Variants in COL27A1 observed in about 807,000 individuals in gnomAD.
COL27A1 encodes the protein collagen type XXVII alpha 1 chain.
Under a neutral mutation model 251.3 loss-of-function variants are expected in COL27A1, and 106 were observed. That is an observed-to-expected ratio of 0.42 (90% CI 0.36 to 0.50). The LOEUF (loss-of-function observed/expected upper bound fraction) is 0.50, where lower values mean the gene tolerates loss of function less well. Ranked by LOEUF, COL27A1 falls within the 20% of genes least tolerant of loss-of-function variation. The pLI, the probability that COL27A1 is intolerant of heterozygous loss-of-function variation, is 0.00. For missense variants in COL27A1, 2,325 were observed against 2,522.8 expected (o/e 0.92, Z 1.68); for synonymous variants, 1,000 against 986.3 (o/e 1.01, Z -0.26).
In COL27A1 at chr9:114,155,862, CCTGGCGCGGCGGGGCGGGGGG is replaced by C; in HGVS notation, c.-82_-62del. The C allele has an allele frequency of 9.8e-7, 1 of 1,024,490 alleles. No individual in the cohort carries two copies. Among genetic ancestry groups the C allele is most frequent in the Non-Finnish European group, 1.2e-6 (1 of 844,484 alleles). 63.5% of individuals were successfully genotyped at this position (1,024,490 alleles called of 1,614,324 possible). A position where few individuals can be genotyped will look rare whatever the true frequency, so the allele number is the denominator to read the frequency against. On this transcript the variant is annotated 5_prime_UTR_variant, in exon 1 of 61. Transcript: ENST00000356083. This position sits in a 1 kb window ranked among gnomAD's most constrained non-coding sequence, Gnocchi z 5.5. The stretch of plus-strand genomic sequence containing the variant: ...GCGGGGGCCGCGCGCTCTAAGCCGG[CCTGGCGCGGCGGGGCGGGGGG>C]CTGGCGGCCCCATGGGGCGCGCCCA...
chr9:114,209,324 T>C, intron 10 of COL27A1: 1 of 510,308 alleles, frequency 2.0e-6, no homozygotes, highest in Non-Finnish European at 3.8e-6. Context: ...TCCCTGGGGG[T>C]GGGCAGGGCT....
At chr9:114,280,617 T>C (rs1823801953) in intron 37 of COL27A1, among the ~76,000 whole-genome samples, 1 of 152,246 alleles carries the variant, frequency 6.6e-6, no homozygotes, top group Admixed American at 6.5e-5. Flanking sequence ...GCCACGGGGC[T>C]AGTCCCATAC....
At chr9:114,204,023 GGCA>G (rs1829756409) in intron 7 of COL27A1, among the ~76,000 whole-genome samples, 1 of 152,064 alleles carries the variant, frequency 6.6e-6, no homozygotes, top group Non-Finnish European at 1.5e-5. Context: ...CTGGGTAAAC[GGCA>G]GCACATAGAG....
intron 1 of COL27A1, among the ~76,000 whole-genome samples, chr9:114,156,869 G>A (rs1311643591): frequency 1.3e-5 from 2 of 152,056 alleles, no homozygotes; most frequent in Non-Finnish European, 2.9e-5. Flanking sequence ...CAGCATGCAA[G>A]CAGCCCGTTG....
chr9:114,232,877 T>C (rs1045860787), intron 16 of COL27A1, among the ~76,000 whole-genome samples: 7 of 152,224 alleles, frequency 4.6e-5, no homozygotes, highest in Admixed American at 6.5e-5. Flanking sequence ...TCGAGACCAG[T>C]CTGGCCAATA....
chr9:114,184,231 A>G (rs535836598), intron 5 of COL27A1, among the ~76,000 whole-genome samples: 1 of 152,332 alleles, frequency 6.6e-6, no homozygotes, highest in South Asian at 2.1e-4. Flanking sequence ...GTCCCGGGTC[A>G]TTCTTTGATA....
chr9:114,269,010 T>C, intron 34 of COL27A1: 3 of 509,524 alleles, frequency 5.9e-6, no homozygotes, highest in Middle Eastern at 5.0e-4. Flanking sequence ...ATGGTGTTGG[T>C]GCTAATTGTC....
chr9:114,243,457 C>T (rs779499429), intron 22 of COL27A1, 50 bp from the exon 23 acceptor site: 21 of 1,535,740 alleles, frequency 1.4e-5, no homozygotes, highest in Admixed American at 3.4e-5. Flanking sequence ...TGGACCCCAG[C>T]CATGTTGCCC....
rs146929086 is a variant in COL27A1 at position 114,256,777 on chromosome 9, A to G, written c.3142-1764A>G. Among the ~76,000 whole-genome samples, 90 of 152,362 alleles carry G rather than the reference A, an allele frequency of 5.9e-4. 1 individual carries two copies. In the East Asian group the frequency reaches 9.4e-3, roughly 16 times the overall value. Reference sequence around the variant, plus strand: ...GAAGTAACGTGCCTAAGATGGCACAATTAGTAAGTGGCCAAACTGGCATGT... The same window carrying G: ...GAAGTAACGTGCCTAAGATGGCACAGTTAGTAAGTGGCCAAACTGGCATGT... On this transcript the variant is annotated intron_variant, in intron 27 of 60. Transcript: ENST00000356083.
chr9:114,306,436 G>A, intron 57 of COL27A1, 84 bp from the exon 58 acceptor site: 1 of 1,392,812 alleles, frequency 7.2e-7, no homozygotes, highest in Non-Finnish European at 9.9e-7. Flanking sequence ...CTCCCAGGTT[G>A]TGAGAACTGG....
chr9:114,247,929 A>G (rs991862159), intron 24 of COL27A1, among the ~76,000 whole-genome samples: 2 of 152,228 alleles, frequency 1.3e-5, no homozygotes, highest in East Asian at 3.8e-4. Context: ...TACTTTTGCA[A>G]CAACCCAATA....
chr9:114,264,672 C>T (rs2135592973), intron 29 of COL27A1, among the ~76,000 whole-genome samples: 1 of 152,300 alleles, frequency 6.6e-6, no homozygotes, highest in East Asian at 1.9e-4. Flanking sequence ...CCACCAGGCC[C>T]CTGACAGCTG....
At chr9:114,217,290 A>C (rs990989198) in intron 12 of COL27A1, among the ~76,000 whole-genome samples, 1 of 152,160 alleles carries the variant, frequency 6.6e-6, no homozygotes, top group African/African-American at 2.4e-5. Flanking sequence ...CCCATGTGGC[A>C]GTGAGGCACC....
chr9:114,282,750 C>A (rs978142303), intron 39 of COL27A1, among the ~76,000 whole-genome samples, 186 bp downstream of exon 39: 2 of 152,242 alleles, frequency 1.3e-5, no homozygotes, highest in African/African-American at 2.4e-5. Context: ...CAGAAAGCTG[C>A]AGCCCCGCCT....
At chr9:114,289,015 C>T (rs372384979) in intron 44 of COL27A1, 48 bp downstream of exon 44, 219 of 1,593,812 alleles carry the variant, frequency 1.4e-4, no homozygotes, top group Non-Finnish European at 1.8e-4. Context: ...CTGAGTGGGG[C>T]GGAGCAGTGG....
Position 114,240,448 on chromosome 9 carries a change from C to A in COL27A1, c.2796C>A (p.Ala932=), listed in dbSNP as rs927868759. 21 of 1,613,080 alleles carry A rather than the reference C, an allele frequency of 1.3e-5. No homozygotes were observed. The highest frequency in any genetic ancestry group is 1.8e-5 in the Non-Finnish European group (21 of 1,179,910). The change falls in exon 21 of 61, where the codon GCC becomes GCA. Residue 932 remains alanine (A), a synonymous_variant. Transcript: ENST00000356083. ...CTTCTCCCCAGGGTAAGCCTGGAGC[C>A]CGAGGCCTGCCGGGACCCCGTGGGC... is the stretch of plus-strand genomic sequence containing the variant. ...GPEGMKGKPG[A]RGLPGPRGQL... is the part of the protein sequence containing the mutation.
chr9:114,231,771 C>T (rs768879610), intron 15 of COL27A1, 51 bp from the exon 16 acceptor site: 5 of 1,601,986 alleles, frequency 3.1e-6, no homozygotes, highest in Non-Finnish European at 2.6e-6. Flanking sequence ...GGGCTCCTGA[C>T]TTCTGTGGCC....
chr9:114,242,206 G>A lies in COL27A1; in HGVS notation c.2855G>A (p.Gly952Glu), dbSNP rs779158995. Reference protein sequence around the residue: ...LGPEGDEGPMGPPGAPGLEGQ... With the variant: ...LGPEGDEGPMEPPGAPGLEGQ... ...TTCTAGGGAGATGAGGGACCCATGG[G>A]GCCGCCAGGGGCCCCTGGCTTGGAG... The change falls in exon 22 of 61, where the codon GGG becomes GAG. Residue 952 changes from glycine to glutamate, a missense_variant. By Grantham distance (98) the Gly-to-Glu change is moderately conservative. Transcript: ENST00000356083. 5 of 1,608,456 alleles carry A rather than the reference G, an allele frequency of 3.1e-6. 1 individual carries two copies. The South Asian group carries it at 5.5e-5, about 18-fold the overall frequency.
At chr9:114,251,976 T>C (rs796806488) in intron 25 of COL27A1, among the ~76,000 whole-genome samples, 6 of 152,280 alleles carry the variant, frequency 3.9e-5, no homozygotes, top group African/African-American at 1.4e-4. Flanking sequence ...GTCAGACACA[T>C]AGTAGGTGCT....
Sources: allele counts gnomAD v4.1 joint callset (sites outside exome capture counted in the v4.1 genomes callset), GRCh38; gene constraint gnomAD v4.1.1; non-coding constraint Gnocchi (gnomAD v3.1); transcripts MANE v1.5; gene names NCBI Gene and HGNC (gene_info 2026-07-23, HGNC 2026-07-21).